GLI3: variants seen among roughly 807,000 people sequenced by gnomAD.
The protein encoded by GLI3 is GLI family zinc finger 3, also known as transcription activator GLI3.
A neutral mutation model predicts 100.8 loss-of-function variants in GLI3; 20 were observed. That is an observed-to-expected ratio of 0.20 (90% CI 0.14 to 0.29). GLI3 has a LOEUF of 0.29. Among genes scored for constraint, GLI3 ranks in the 10% least tolerant of loss-of-function variants. GLI3 has a pLI of 1.00. For missense variants in GLI3, 2,040 were observed against 2,128.5 expected (o/e 0.96, Z 0.82); for synonymous variants, 938 against 860.5 (o/e 1.09, Z -1.58).
At chr7:42,008,714 G>T (rs1020095137) in intron 10 of GLI3, among the ~76,000 whole-genome samples, 37 of 152,306 alleles carry the variant, frequency 2.4e-4, no homozygotes, top group African/African-American at 8.4e-4. Flanking sequence ...AGACTAAGGT[G>T]CTCTTTTCCA....
intron 4 of GLI3, among the ~76,000 whole-genome samples, chr7:42,055,024 T>C (rs34638041): frequency 5.0e-5 from 7 of 141,296 alleles, no homozygotes; most frequent in Middle Eastern, 3.6e-3. Context: ...TATATACATA[T>C]ACACATATAT....
chr7:41,975,086 T>C (rs563226424), intron 12 of GLI3, among the ~76,000 whole-genome samples: 4 of 152,292 alleles, frequency 2.6e-5, no homozygotes, highest in African/African-American at 7.2e-5. Flanking sequence ...CTCAGGAAAC[T>C]TGTTTAGCGG....
At chr7:41,979,043 C>T (rs947355079) in intron 10 of GLI3, among the ~76,000 whole-genome samples, 1 of 152,134 alleles carries the variant, frequency 6.6e-6, no homozygotes, top group Non-Finnish European at 1.5e-5. Flanking sequence ...GAGTTCAATT[C>T]CAGGTTTGGG....
intron 1 of GLI3, among the ~76,000 whole-genome samples, chr7:42,234,386 A>G (rs1788749247): frequency 6.6e-6 from 1 of 152,226 alleles, no homozygotes; most frequent in Admixed American, 6.5e-5. Flanking sequence ...TACAGCATGC[A>G]GGTAATTAAG....
chr7:42,100,928 T>C (rs1785447754), intron 3 of GLI3, among the ~76,000 whole-genome samples: 1 of 152,210 alleles, frequency 6.6e-6, no homozygotes, highest in African/African-American at 2.4e-5. Context: ...ACCTTGATTT[T>C]GGACTTTCAG....
chr7:42,259,426 A>C (rs771759423), intron 1 of GLI3, among the ~76,000 whole-genome samples: 1 of 152,188 alleles, frequency 6.6e-6, no homozygotes, highest in Non-Finnish European at 1.5e-5. Context: ...TTCCTAGTTA[A>C]GCTCTAGCTC....
intron 3 of GLI3, among the ~76,000 whole-genome samples, chr7:42,132,497 G>T (rs918540804): frequency 2.6e-5 from 4 of 152,122 alleles, no homozygotes; most frequent in African/African-American, 4.8e-5. Flanking sequence ...GAGCTTCAAG[G>T]TTTCTTTCTT....
At chr7:42,076,629 G>A in intron 4 of GLI3, 123 bp downstream of exon 4, 1 of 728,312 alleles carries the variant, frequency 1.4e-6, no homozygotes, top group Non-Finnish European at 2.5e-6. Context: ...TATTTCAAAA[G>A]TAAATCTTAC....
intron 4 of GLI3, among the ~76,000 whole-genome samples, chr7:42,061,376 T>A (rs1784566576): frequency 6.6e-6 from 1 of 152,184 alleles, no homozygotes. Flanking sequence ...TTATTACTGT[T>A]AACTACTAAC....
intron 7 of GLI3, among the ~76,000 whole-genome samples, chr7:42,027,523 T>TA (rs897827326): frequency 6.6e-6 from 1 of 152,168 alleles, no homozygotes; most frequent in African/African-American, 2.4e-5. Flanking sequence ...TAAAGGAGAA[T>TA]AAAATAATTA....
intron 3 of GLI3, among the ~76,000 whole-genome samples, chr7:42,131,917 A>T (rs1484889597): frequency 6.6e-6 from 1 of 152,142 alleles, no homozygotes; most frequent in African/African-American, 2.4e-5. Context: ...TCTAGAGTTG[A>T]CATGTCAGGA....
At chr7:42,184,627 T>G (rs1787682992) in intron 2 of GLI3, among the ~76,000 whole-genome samples, 1 of 152,166 alleles carries the variant, frequency 6.6e-6, no homozygotes, top group Admixed American at 6.5e-5. Context: ...GTAATATATG[T>G]TATGGTGACA....
At chr7:41,985,532 A>G (rs1162249132) in intron 10 of GLI3, among the ~76,000 whole-genome samples, 1 of 152,226 alleles carries the variant, frequency 6.6e-6, no homozygotes, top group African/African-American at 2.4e-5. Flanking sequence ...GTCCAGAAAT[A>G]TTTCTGAAAA....
intron 3 of GLI3, among the ~76,000 whole-genome samples, chr7:42,140,099 G>A (rs972283429): frequency 6.6e-6 from 1 of 152,150 alleles, no homozygotes; most frequent in Non-Finnish European, 1.5e-5. Flanking sequence ...CTTGACAAAT[G>A]CTCCTTTTTG....
At chr7:42,102,346 C>G (rs1207238729) in intron 3 of GLI3, among the ~76,000 whole-genome samples, 2 of 146,704 alleles carry the variant, frequency 1.4e-5, no homozygotes, top group African/African-American at 5.5e-5. Context: ...AGCCTGAGTC[C>G]TGAGCCTGAG....
upstream of GLI3, among the ~76,000 whole-genome samples, chr7:42,242,777 C>T (rs918814516): frequency 4.3e-4 from 65 of 152,320 alleles, no homozygotes; most frequent in African/African-American, 1.5e-3. Flanking sequence ...CTTGTCCCCA[C>T]ACCTAGAAGC....
chr7:41,981,818 G>A (rs1311380829), intron 10 of GLI3, among the ~76,000 whole-genome samples: 2 of 152,176 alleles, frequency 1.3e-5, no homozygotes, highest in Non-Finnish European at 1.5e-5. Context: ...GCAGAGAAGG[G>A]AGAACTGGCA....
At chr7:42,019,064 G>T (rs1788855718) in intron 10 of GLI3, among the ~76,000 whole-genome samples, 1 of 152,182 alleles carries the variant, frequency 6.6e-6, no homozygotes, top group Non-Finnish European at 1.5e-5. Context: ...TTCTTACACA[G>T]AAATACGGGG....
At position 42,186,177 on chromosome 7, in the gene GLI3, C is replaced by T. The variant is rs570420443; in HGVS notation, c.124+36953G>A. Among the ~76,000 whole-genome samples the T allele has an allele frequency of 2.0e-5, 3 of 152,316 alleles. No individual in the cohort carries two copies. The South Asian group carries it at 6.2e-4, about 32-fold the overall frequency. On this transcript the variant is annotated intron_variant, in intron 2 of 14. Transcript: ENST00000395925. ...ATCTCAGCTCCTCTCAACAACTTTCCCTGACAACCCTCCTCCAATCAAATA... is the reference window on the plus strand; with the variant it reads ...ATCTCAGCTCCTCTCAACAACTTTCTCTGACAACCCTCCTCCAATCAAATA...
Sources: gnomAD v4.1 joint callset for allele counts (sites outside exome capture counted in the v4.1 genomes callset) on GRCh38, gnomAD v4.1.1 for gene constraint, MANE v1.5 for transcripts, NCBI Gene and HGNC (gene_info 2026-07-23, HGNC 2026-07-21) for gene names.